Variants in ECE2 observed in about 807,000 individuals in gnomAD.
ECE2 encodes the protein endothelin converting enzyme 2.
ECE2 carries 81 observed loss-of-function variants against 100.6 expected under a neutral mutation model. That is an observed-to-expected ratio of 0.81 (90% CI 0.67 to 0.97). The LOEUF is 0.97. Ranked by LOEUF, ECE2 falls within the 50% of genes least tolerant of loss-of-function variation. The pLI is 0.00. For synonymous variants in ECE2, 391 were observed against 391.5 expected, an observed-to-expected ratio of 1.00 and a Z score of 0.02; for missense variants, 911 against 988.1, an observed-to-expected ratio of 0.92 and a Z score of 1.05.
Position 184,291,417 on chromosome 3 carries a change from T to C in ECE2, c.2099T>C (p.Leu700Pro). 6.3e-7 allele frequency: 1 copy of C among 1,598,930 alleles called. No homozygotes were observed. Among genetic ancestry groups the C allele is most frequent in the Non-Finnish European group, 8.5e-7 (1 of 1,172,388 alleles). The part of the protein sequence containing the change: ...LPAVGLTNHQ[L>P]FFVGFAQVWC... ...GCCGTGGGGCTCACCAACCACCAGC[T>C]CTTCTTCGTGGGATTTGCCCAGGTA... The change falls in exon 18 of 19, where the codon CTC (leucine) becomes CCC (proline). Residue 700 changes from leucine (L) to proline (P), a missense_variant. Leu to Pro is a moderately conservative substitution (Grantham distance 98, BLOSUM62 -3). Transcript: ENST00000404464. This position sits in a 1 kb window ranked among gnomAD's most constrained non-coding sequence, Gnocchi z 4.1.
chr3:184,283,818 C>A lies in ECE2; in HGVS notation c.850C>A (p.Leu284Met). ...TGCCTATCTGGATTACATGGAGGAA[C>A]TGGGGATGCTGCTGGGTGGGCGGCC... is the stretch of plus-strand genomic sequence containing the variant. ...LTAYLDYMEELGMLLGGRPTS... is the reference protein window; with the variant it reads ...LTAYLDYMEEMGMLLGGRPTS... Residue 284 changes from leucine (L) to methionine (M), a missense_variant, in exon 8 of 19, where the codon CTG becomes ATG. Leu to Met is a conservative substitution (Grantham distance 15). Transcript: ENST00000404464. 1 of 1,613,852 alleles carries A rather than the reference C, an allele frequency of 6.2e-7. No individual in the cohort carries two copies. Among genetic ancestry groups the A allele is most frequent in the Non-Finnish European group, 8.5e-7 (1 of 1,179,988 alleles).
chr3:184,292,013 C>G, intron 18 of ECE2, 49 bp from the exon 19 acceptor site: 1 of 1,560,962 alleles, frequency 6.4e-7, no homozygotes, highest in Non-Finnish European at 8.7e-7. Flanking sequence ...CTCTAAGGCC[C>G]GGCTCCACAC....
rs760431595 is a variant in ECE2 at position 184,276,929 on chromosome 3, C to A, written c.164C>A (p.Ser55Ter). Reference protein sequence around the residue: ...FQKGTRQLLGSRTQLELVLAG... With the variant: ...FQKGTRQLLG The stretch of plus-strand genomic sequence containing the variant: ...AAGGGGACAAGACAGCTGTTAGGCT[C>A]ACGCACGCAGCTGGAGCTGGTCTTA... The change falls in exon 3 of 19, where the codon TCA becomes TAA. Residue 55 changes from serine to a stop codon, truncating the protein, a stop_gained. Transcript: ENST00000404464. LOFTEE classifies it high-confidence loss of function. 2.5e-6 allele frequency: 4 copies of A among 1,614,194 alleles called. No individual in the cohort carries two copies. The highest frequency in any genetic ancestry group is 3.4e-6 in the Non-Finnish European group (4 of 1,180,028).
intron 6 of ECE2, 23 bp from the exon 7 acceptor site, chr3:184,278,469 A>G: frequency 6.2e-7 from 1 of 1,612,322 alleles, no homozygotes; most frequent in Non-Finnish European, 8.5e-7. Flanking sequence ...CGAGGGGCTC[A>G]CCTCCTTTCC....
Position 184,283,801 on chromosome 3 carries a change from T to C in ECE2, c.833T>C (p.Leu278Pro). The C allele has an allele frequency of 1.2e-6, 2 of 1,613,686 alleles. No individual in the cohort carries two copies. The highest frequency in any genetic ancestry group is 1.7e-6 in the Non-Finnish European group (2 of 1,179,940). The stretch of plus-strand genomic sequence containing the variant: ...CCTTGACAGGTGCTCACTGCCTATC[T>C]GGATTACATGGAGGAACTGGGGATG... ...TANEKVLTAY[L>P]DYMEELGMLL... Residue 278 changes from leucine to proline, a missense_variant, in exon 8 of 19, where the codon CTG becomes CCG. Coordinates refer to ENST00000404464, the MANE Select transcript of ECE2 (RefSeq NM_001100121.2).
At position 184,285,044 on chromosome 3, in the gene ECE2, G is replaced by T. The variant is rs771257199; in HGVS notation, c.1087G>T (p.Val363Leu). Residue 363 changes from valine to leucine, a missense_variant, in exon 9 of 19, where the codon GTG becomes TTG. Physicochemically the swap from Val to Leu is conservative, Grantham distance 32. Transcript: ENST00000404464. ...PLELSDSEPV[V>L]VYGMDYLQQV... is the part of the protein sequence containing the mutation. ...GGAGTTGAGTGACTCTGAGCCTGTG[G>T]TGGTGTATGGGATGGATTATTTGCA... 3.1e-6 allele frequency: 5 copies of T among 1,614,178 alleles called. No individual in the cohort carries two copies. In the Admixed American group the frequency reaches 6.7e-5, roughly 22 times the overall value.
At position 184,291,072 on chromosome 3, in the gene ECE2, C is replaced by T. The variant is rs1721288810; in HGVS notation, c.1867C>T (p.Pro623Ser). ...GTATGACAAAGAAGGGAACCTGCGG[C>T]CCTGGTGGCAGAATGAGTCCCTGGC... ...REYDKEGNLR[P>S]WWQNESLAAF... The change falls in exon 17 of 19, where the codon CCC becomes TCC. Residue 623 changes from proline to serine, a missense_variant. By Grantham distance (74) the Pro-to-Ser change is moderately conservative (BLOSUM62 -1). Coordinates refer to ENST00000404464, the MANE Select transcript of ECE2 (RefSeq NM_001100121.2). This position sits in a 1 kb window ranked among gnomAD's most constrained non-coding sequence, Gnocchi z 4.1. The T allele has an allele frequency of 6.3e-7, 1 of 1,583,968 alleles. No homozygotes were observed. Among genetic ancestry groups the T allele is most frequent in the Non-Finnish European group, 8.6e-7 (1 of 1,163,232 alleles).
intron 10 of ECE2, among the ~76,000 whole-genome samples, chr3:184,285,978 A>T (rs930179736): frequency 5.3e-5 from 8 of 152,208 alleles, no homozygotes; most frequent in African/African-American, 1.7e-4. Flanking sequence ...ATGCCCCATT[A>T]AGTGGGGGGA....
At position 184,292,333 on chromosome 3, in the gene ECE2, A is replaced by C; in HGVS notation, c.*95A>C. 1 of 1,476,598 alleles carries C rather than the reference A, an allele frequency of 6.8e-7. No individual in the cohort carries two copies. The allele number at this position is 1,476,598 out of a possible 1,614,324, so 91.5% of individuals were successfully genotyped here. On this transcript the variant is annotated 3_prime_UTR_variant, in exon 19 of 19. Coordinates refer to ENST00000404464, the MANE Select transcript of ECE2 (RefSeq NM_001100121.2). ...TCTTGGGTTGGGAGGAAGCAAATGC[A>C]AGCTGGGCTGGGTCTAGTCCCTCCC... is the stretch of plus-strand genomic sequence containing the variant.
In ECE2 at chr3:184,289,531, A is replaced by G; in HGVS notation, c.1469A>G (p.Glu490Gly). The G allele has an allele frequency of 6.2e-7, 1 of 1,613,476 alleles. No individual in the cohort carries two copies. The highest frequency in any genetic ancestry group is 8.5e-7 in the Non-Finnish European group (1 of 1,179,720). ...GAGAAGACCCGCCAGGCAGCCAAGG[A>G]GAAAGTGAGCGGTGGCTAGGGTTGG... ...MDEKTRQAAKEKADAIYDMIG... is the reference protein window; with the variant it reads ...MDEKTRQAAKGKADAIYDMIG... Residue 490 changes from glutamate to glycine, a missense_variant, in exon 12 of 19, where the codon GAG becomes GGG. Transcript: ENST00000404464. This position sits in a 1 kb window ranked among gnomAD's most constrained non-coding sequence, Gnocchi z 4.1.
Position 184,291,726 on chromosome 3 carries a change from G to A in ECE2, c.2121+287G>A, listed in dbSNP as rs1235730641. 8.1e-5 allele frequency: 35 copies of A among 432,184 alleles called. No homozygotes were observed. The Admixed American group carries it at 1.2e-3, about 15-fold the overall frequency. The allele number at this position is 432,184 out of a possible 1,614,324, so 26.8% of individuals were successfully genotyped here. ...GCACAGGGTGGCGAAGGGGGCAAAC[G>A]TTCATCCTCACGCTGTTCCTGTGAG... On this transcript the variant is annotated intron_variant, in intron 18 of 18. Transcript: ENST00000404464. This position sits in a 1 kb window ranked among gnomAD's most constrained non-coding sequence, Gnocchi z 4.1.
chr3:184,283,794 G>C lies in ECE2; in HGVS notation c.826G>C (p.Ala276Pro), dbSNP rs779580606. The C allele has an allele frequency of 1.2e-6, 2 of 1,613,694 alleles. No individual in the cohort carries two copies. Among genetic ancestry groups the C allele is most frequent in the Non-Finnish European group, 1.7e-6 (2 of 1,179,930 alleles). Residue 276 changes from alanine to proline, a missense_variant, in exon 8 of 19, where the codon GCC (alanine) becomes CCC (proline). Physicochemically the swap from Ala to Pro is conservative, Grantham distance 27. Coordinates refer to ENST00000404464, the MANE Select transcript of ECE2 (RefSeq NM_001100121.2). ...NRTANEKVLT[A>P]YLDYMEELGM... The stretch of plus-strand genomic sequence containing the variant: ...ACCCGGGCCTTGACAGGTGCTCACT[G>C]CCTATCTGGATTACATGGAGGAACT...
Position 184,276,204 on chromosome 3 carries a change from C to A in ECE2, c.39+12C>A. 6.9e-7 allele frequency: 1 copy of A among 1,443,060 alleles called. No homozygotes were observed. The highest frequency in any genetic ancestry group is 1.4e-5 in the South Asian group (1 of 70,800). 89.4% of individuals were successfully genotyped at this position (1,443,060 alleles called of 1,614,324 possible). A position where few individuals can be genotyped will look rare whatever the true frequency, so the allele number is the denominator to read the frequency against. ...GAGCTGGCAGCAACGTGAGTGGGGG[C>A]CCCGGGCTCCACGGGAGGGGACTGG... On this transcript the variant is annotated intron_variant, in intron 1 of 18. Transcript: ENST00000404464.
chr3:184,285,238 C>T (rs1630869), intron 9 of ECE2, 133 bp downstream of exon 9: 7 of 1,308,648 alleles, frequency 5.3e-6, no homozygotes, highest in East Asian at 2.3e-5. Context: ...ATCAGAATGT[C>T]TATGGGCTTT....
rs1252027983 is a variant in ECE2, at chr3:184,292,047, T to C, written c.2122-15T>C. The C allele has an allele frequency of 6.2e-7, 1 of 1,604,188 alleles. No individual in the cohort carries two copies. Among genetic ancestry groups the C allele is most frequent in the South Asian group, 1.1e-5 (1 of 90,362 alleles). On this transcript the variant is annotated splice_polypyrimidine_tract_variant and intron_variant, in intron 18 of 18. Coordinates refer to ENST00000404464, the MANE Select transcript of ECE2 (RefSeq NM_001100121.2). The stretch of plus-strand genomic sequence containing the variant: ...ACTAGACACCATATGCCCCCATGTC[T>C]GTCCTGGCCCGCAGGTGTGGTGCTC...
chr3:184,280,614 C>T (rs192108422), intron 7 of ECE2, among the ~76,000 whole-genome samples: 47 of 152,218 alleles, frequency 3.1e-4, no homozygotes, highest in African/African-American at 1.1e-3. Flanking sequence ...GAGGCCAAGG[C>T]GACCTGATTA....
At position 184,285,044 on chromosome 3, in the gene ECE2, G is replaced by A; in HGVS notation, c.1087G>A (p.Val363Met). 1.2e-6 allele frequency: 2 copies of A among 1,614,178 alleles called. No individual in the cohort carries two copies. The highest frequency in any genetic ancestry group is 2.7e-5 in the African/African-American group (2 of 75,046). ...PLELSDSEPV[V>M]VYGMDYLQQV... ...GGAGTTGAGTGACTCTGAGCCTGTG[G>A]TGGTGTATGGGATGGATTATTTGCA... The change falls in exon 9 of 19, where the codon GTG (valine) becomes ATG (methionine). Residue 363 changes from valine (V) to methionine (M), a missense_variant. Val to Met is a conservative substitution (Grantham distance 21, BLOSUM62 1). Transcript: ENST00000404464.
Position 184,278,277 on chromosome 3 carries a change from T to C in ECE2, c.714T>C (p.Ser238=). ...RATPFFTVYI[S]ADSKSSNSNV... ...CCCCATTCTTCACCGTCTACATCAG[T>C]GCCGACTCTAAGAGTTCCAACAGCA... is the stretch of plus-strand genomic sequence containing the variant. Residue 238 remains serine (S), a synonymous_variant, in exon 6 of 19, where the codon AGT becomes AGC. Transcript: ENST00000404464. 2 of 1,614,122 alleles carry C rather than the reference T, an allele frequency of 1.2e-6. No homozygotes were observed. Among genetic ancestry groups the C allele is most frequent in the South Asian group, 1.1e-5 (1 of 91,074 alleles).
rs770945815 is a variant in ECE2, at chr3:184,289,695, G to T, written c.1528G>T (p.Glu510Ter). 3.7e-6 allele frequency: 6 copies of T among 1,613,412 alleles called. No individual in the cohort carries two copies. Among genetic ancestry groups the T allele is most frequent in the Non-Finnish European group, 5.1e-6 (6 of 1,179,728 alleles). ...GFPDFILEPK[E>*]LDDVYDGYEI... The stretch of plus-strand genomic sequence containing the variant: ...CCCAGACTTTATCCTGGAGCCCAAA[G>T]AGCTGGATGATGTTTATGACGGGGT... Residue 510 changes from glutamate to a stop codon, truncating the protein, a stop_gained, in exon 13 of 19, where the codon GAG becomes TAG. Transcript: ENST00000404464. LOFTEE classifies it high-confidence loss of function. The surrounding 1 kb of genome is among the most constrained non-coding windows in gnomAD (Gnocchi z 4.1).
Sources: gnomAD v4.1 joint callset for allele counts (sites outside exome capture counted in the v4.1 genomes callset) on GRCh38, gnomAD v4.1.1 for gene constraint, Gnocchi (gnomAD v3.1) non-coding constraint, MANE v1.5 for transcripts, NCBI Gene and HGNC (gene_info 2026-07-23, HGNC 2026-07-21) for gene names.